The following APLF variants were observed in gnomAD, a reference collection of about 807,000 sequenced individuals.
The protein encoded by APLF is aprataxin and PNK-like factor.
A neutral mutation model predicts 55.6 loss-of-function variants in APLF; 61 were observed. The observed-to-expected ratio is 1.10, with a 90% CI of 0.89 to 1.36. The LOEUF (loss-of-function observed/expected upper bound fraction) is 1.36, where lower values mean the gene tolerates loss of function less well. Among genes scored for constraint, APLF ranks in the 40% most tolerant of loss-of-function variants. APLF has a pLI of 0.00. For synonymous variants in APLF, 207 were observed against 214.8 expected (o/e 0.96, Z 0.32); for missense variants, 611 against 602.5 (o/e 1.01, Z -0.15).
intron 1 of APLF, among the ~76,000 whole-genome samples, chr2:68,471,479 A>G (rs1054949932): frequency 1.3e-5 from 2 of 152,210 alleles, no homozygotes; most frequent in Non-Finnish European, 2.9e-5. Context: ...ATAAACAAGT[A>G]TTAGTAACTA....
At chr2:68,552,939 A>G (rs183279187) in intron 8 of APLF, among the ~76,000 whole-genome samples, 65 of 152,210 alleles carry the variant, frequency 4.3e-4, no homozygotes, top group Non-Finnish European at 8.2e-4. Flanking sequence ...TGTTAATTTT[A>G]ATTACAGTTC....
intron 1 of APLF, among the ~76,000 whole-genome samples, chr2:68,472,306 C>G (rs1157551173): frequency 6.6e-6 from 1 of 152,016 alleles, no homozygotes; most frequent in Non-Finnish European, 1.5e-5. Flanking sequence ...TGGGTTTTTC[C>G]CACAAGAGAC....
intron 5 of APLF, among the ~76,000 whole-genome samples, chr2:68,514,478 G>C (rs1378779000): frequency 1.3e-5 from 2 of 151,784 alleles, no homozygotes; most frequent in Non-Finnish European, 1.5e-5. Context: ...AGCCTACCCT[G>C]TTTCCCCTGT....
chr2:68,533,108 T>G (rs990159919), intron 6 of APLF, among the ~76,000 whole-genome samples: 1 of 152,160 alleles, frequency 6.6e-6, no homozygotes, highest in South Asian at 2.1e-4. Context: ...TTACACTCTT[T>G]CACTCTTCTG....
intron 1 of APLF, among the ~76,000 whole-genome samples, chr2:68,473,705 A>G (rs1042853937): frequency 1.3e-5 from 2 of 152,196 alleles, no homozygotes; most frequent in African/African-American, 4.8e-5. Context: ...AATTTTGATC[A>G]TTCTAATAGA....
chr2:68,482,572 G>T (rs548005027), intron 1 of APLF, among the ~76,000 whole-genome samples: 4 of 152,278 alleles, frequency 2.6e-5, no homozygotes, highest in African/African-American at 9.6e-5. Flanking sequence ...GGTGTGCAGA[G>T]ACCTCAGGGA....
chr2:68,537,971 G>A lies in APLF; in HGVS notation c.904G>A (p.Gly302Ser), dbSNP rs1274072459. 4 of 1,613,610 alleles carry A rather than the reference G, an allele frequency of 2.5e-6. No individual in the cohort carries two copies. The Admixed American group carries it at 6.7e-5, about 27-fold the overall frequency. The change falls in exon 7 of 10, where the codon GGT becomes AGT. Residue 302 changes from glycine to serine, a missense_variant. Coordinates refer to ENST00000303795, the MANE Select transcript of APLF (RefSeq NM_173545.3). ...AAACAAACTTCCAATAGAGGAACTT[G>A]GTAAAGTTTCTAAACATAAAATTGC... ...QRNKLPIEEL[G>S]KVSKHKIATK...
At chr2:68,547,948 C>T (rs1009343413) in intron 8 of APLF, among the ~76,000 whole-genome samples, 2 of 151,634 alleles carry the variant, frequency 1.3e-5, no homozygotes, top group Non-Finnish European at 1.5e-5. Flanking sequence ...GATAGATGTT[C>T]AAGAAATCTT....
At chr2:68,501,456 A>T (rs1056259424) in intron 2 of APLF, among the ~76,000 whole-genome samples, 1 of 151,996 alleles carries the variant, frequency 6.6e-6, no homozygotes, top group Non-Finnish European at 1.5e-5. Flanking sequence ...GATCTGCATT[A>T]TGTAGATTGC....
intron 9 of APLF, 71 bp downstream of exon 9, chr2:68,567,458 GTTA>G (rs779320612): frequency 1.7e-6 from 2 of 1,196,330 alleles, no homozygotes; most frequent in Non-Finnish European, 2.4e-6. Context: ...CTAGTTTCCA[GTTA>G]TTATGAAAAT....
intron 3 of APLF, among the ~76,000 whole-genome samples, chr2:68,505,023 C>T (rs949028410): frequency 6.6e-6 from 1 of 151,932 alleles, no homozygotes; most frequent in Non-Finnish European, 1.5e-5. Context: ...CAAAACTAAT[C>T]AAATTTCACA....
intron 7 of APLF, among the ~76,000 whole-genome samples, chr2:68,539,939 G>GA (rs1285469257): frequency 6.6e-6 from 1 of 151,800 alleles, no homozygotes; most frequent in African/African-American, 2.4e-5. Flanking sequence ...GAGTAGAAAG[G>GA]AAAAAATAAA....
At chr2:68,486,881 A>G (rs913105834) in intron 1 of APLF, among the ~76,000 whole-genome samples, 2 of 152,156 alleles carry the variant, frequency 1.3e-5, no homozygotes, top group African/African-American at 4.8e-5. Context: ...GTAATCAGTA[A>G]GTAAACTTGG....
intron 3 of APLF, among the ~76,000 whole-genome samples, chr2:68,508,755 A>T (rs1249863585): frequency 2.6e-5 from 4 of 152,090 alleles, no homozygotes; most frequent in African/African-American, 9.7e-5. Context: ...AAGAGCCCAC[A>T]TTGCCAAGAC....
chr2:68,537,969 T>C lies in APLF; in HGVS notation c.902T>C (p.Leu301Pro). The C allele has an allele frequency of 6.2e-7, 1 of 1,613,998 alleles. No individual in the cohort carries two copies. The highest frequency in any genetic ancestry group is 1.1e-5 in the South Asian group (1 of 91,072). Residue 301 changes from leucine (L) to proline (P), a missense_variant, in exon 7 of 10, where the codon CTT becomes CCT. By Grantham distance (98) the Leu-to-Pro change is moderately conservative. Transcript: ENST00000303795. The part of the protein sequence containing the change: ...AQRNKLPIEE[L>P]GKVSKHKIAT... ...AGAAACAAACTTCCAATAGAGGAAC[T>C]TGGTAAAGTTTCTAAACATAAAATT...
In APLF at chr2:68,578,394, C is replaced by T; in HGVS notation, c.*372C>T. The T allele has an allele frequency of 1.0e-6, 1 of 998,664 alleles. No individual in the cohort carries two copies. Among genetic ancestry groups the T allele is most frequent in the Non-Finnish European group, 1.2e-6 (1 of 838,130 alleles). The allele number at this position is 998,664 out of a possible 1,614,324, so 61.9% of individuals were successfully genotyped here. Reference sequence around the variant, plus strand: ...ATTATGGAGTACTCTGCAAGTATAACCAGGCAAAGTACATGAAAACATGCC... The same window carrying T: ...ATTATGGAGTACTCTGCAAGTATAATCAGGCAAAGTACATGAAAACATGCC... On this transcript the variant is annotated 3_prime_UTR_variant, in exon 10 of 10. Coordinates refer to ENST00000303795, the MANE Select transcript of APLF (RefSeq NM_173545.3).
At chr2:68,539,141 T>C (rs951518520) in intron 7 of APLF, among the ~76,000 whole-genome samples, 1 of 152,242 alleles carries the variant, frequency 6.6e-6, no homozygotes, top group Non-Finnish European at 1.5e-5. Flanking sequence ...TTCTGATTTA[T>C]GCTTTTTGAA....
At chr2:68,562,631 C>T (rs929790707) in intron 8 of APLF, among the ~76,000 whole-genome samples, 3 of 151,768 alleles carry the variant, frequency 2.0e-5, no homozygotes, top group Admixed American at 6.6e-5. Flanking sequence ...TTCATGAAAG[C>T]GATATGATTT....
intron 6 of APLF, among the ~76,000 whole-genome samples, chr2:68,532,612 TAA>T (rs1670289832): frequency 6.6e-6 from 1 of 152,240 alleles, no homozygotes. Context: ...TTAGACTATG[TAA>T]AGAGTTTTGT....
Sources: allele counts gnomAD v4.1 joint callset (sites outside exome capture counted in the v4.1 genomes callset), GRCh38; gene constraint gnomAD v4.1.1; transcripts MANE v1.5; gene names NCBI Gene and HGNC (gene_info 2026-07-23, HGNC 2026-07-21).